Variants in PLA2G4F observed in about 807,000 individuals in gnomAD.
The protein encoded by PLA2G4F is phospholipase A2 group IVF.
PLA2G4F carries 105 observed loss-of-function variants against 103.1 expected under a neutral mutation model. That is an observed-to-expected ratio of 1.02 (90% CI 0.87 to 1.20). The LOEUF (loss-of-function observed/expected upper bound fraction) is 1.20, where lower values mean the gene tolerates loss of function less well. Ranked by LOEUF, PLA2G4F falls within the 50% of genes most tolerant of loss-of-function variation. The probability of loss-of-function intolerance (pLI) is 0.00; values close to 1 mark genes in which losing one functional copy is unlikely to be tolerated. For missense variants in PLA2G4F, 1,155 were observed against 1,075.9 expected, an observed-to-expected ratio of 1.07 and a Z score of -1.03; for synonymous variants, 468 against 441.1, an observed-to-expected ratio of 1.06 and a Z score of -0.76.
intron 9 of PLA2G4F, 60 bp from the exon 10 acceptor site, chr15:42,150,201 G>A: frequency 3.1e-6 from 5 of 1,608,594 alleles, no homozygotes; most frequent in Non-Finnish European, 3.4e-6. Flanking sequence ...CAGGGAAATG[G>A]CTCCCCCACC....
At chr15:42,148,258 C>T (rs578081884) in intron 11 of PLA2G4F, among the ~76,000 whole-genome samples, 1 of 152,120 alleles carries the variant, frequency 6.6e-6, no homozygotes, top group East Asian at 1.9e-4. Context: ...AATAATGTGC[C>T]CAAGATCATA....
chr15:42,140,748 C>T lies in PLA2G4F; in HGVS notation c.*1236G>A, dbSNP rs1595613776. On this transcript the variant is annotated 3_prime_UTR_variant, in exon 20 of 20. Coordinates refer to ENST00000397272, the MANE Select transcript of PLA2G4F (RefSeq NM_213600.4). ...AGCACAGGTGTTCCTGACAGCGTGTCTGTGTGAGAGAGCATGGAGCAGGGG... is the reference window on the plus strand; with the variant it reads ...AGCACAGGTGTTCCTGACAGCGTGTTTGTGTGAGAGAGCATGGAGCAGGGG... 1 of 157,590 alleles carries T rather than the reference C, an allele frequency of 6.3e-6. No individual in the cohort carries two copies. The highest frequency in any genetic ancestry group is 1.9e-4 in the East Asian group (1 of 5,396). 9.8% of individuals were successfully genotyped at this position (157,590 alleles called of 1,614,324 possible).
chr15:42,150,827 G>C, intron 7 of PLA2G4F, 50 bp from the exon 8 acceptor site: 1 of 1,573,746 alleles, frequency 6.4e-7, no homozygotes, highest in Non-Finnish European at 8.6e-7. Flanking sequence ...GTGGGTCTGT[G>C]TCTCTGCGGC....
rs771715880 is a variant in PLA2G4F, at chr15:42,139,400, C to T, written c.*2584G>A. The T allele has an allele frequency of 2.0e-5, 3 of 152,300 alleles. No individual in the cohort carries two copies. Among genetic ancestry groups the T allele is most frequent in the Non-Finnish European group, 2.9e-5 (2 of 68,130 alleles). The allele number at this position is 152,300 out of a possible 1,614,324, so 9.4% of individuals were successfully genotyped here. ...CTGCTCCTTTCCCTATAGCTTCTCC[C>T]ACCACTCTGACCAATCTCCTACACT... is the stretch of plus-strand genomic sequence containing the variant. On this transcript the variant is annotated 3_prime_UTR_variant, in exon 20 of 20. Transcript: ENST00000397272.
chr15:42,152,397 C>A (rs138643046), intron 7 of PLA2G4F, among the ~76,000 whole-genome samples: 3 of 152,214 alleles, frequency 2.0e-5, no homozygotes, highest in African/African-American at 7.2e-5. Context: ...CCCCGCCAAG[C>A]CCAGCCCAGC....
chr15:42,148,965 G>T, intron 11 of PLA2G4F: 2 of 985,380 alleles, frequency 2.0e-6, no homozygotes, highest in Non-Finnish European at 2.4e-6. Flanking sequence ...TCAGCGCTGG[G>T]CCACAGTGAT....
intron 18 of PLA2G4F, 84 bp downstream of exon 18, chr15:42,143,894 G>C: frequency 6.8e-7 from 1 of 1,468,636 alleles, no homozygotes; most frequent in Non-Finnish European, 9.2e-7. Flanking sequence ...CCCCTCACCA[G>C]AGCCTTCTTT....
At position 42,142,671 on chromosome 15, in the gene PLA2G4F, G is replaced by A. The variant is rs945569470; in HGVS notation, c.2186C>T (p.Pro729Leu). 1.9e-6 allele frequency: 3 copies of A among 1,614,122 alleles called. No individual in the cohort carries two copies. The highest frequency in any genetic ancestry group is 2.5e-6 in the Non-Finnish European group (3 of 1,180,024). Residue 729 changes from proline (P) to leucine (L), a missense_variant, in exon 19 of 20, where the codon CCC becomes CTC. Pro to Leu is a moderately conservative substitution (Grantham distance 98). Coordinates refer to ENST00000397272, the MANE Select transcript of PLA2G4F (RefSeq NM_213600.4). ...AGGGCCCACCTCGATGCTAGGGAAG[G>A]GGATTCCTCGGTCCAGGCAGTACTT... ...TEKYCLDRGI[P>L]FPSIEVGPED... is the part of the protein sequence containing the mutation.
chr15:42,151,660 G>A, intron 7 of PLA2G4F: 3 of 985,144 alleles, frequency 3.0e-6, no homozygotes, highest in Non-Finnish European at 3.6e-6. Flanking sequence ...CAAGTGTGGG[G>A]AGGGAATTCA....
Position 42,145,895 on chromosome 15 carries a change from C to A in PLA2G4F, c.1543G>T (p.Glu515Ter). Residue 515 changes from glutamate to a stop codon, truncating the protein, a stop_gained, in exon 15 of 20, where the codon GAG becomes TAG. Coordinates refer to ENST00000397272, the MANE Select transcript of PLA2G4F (RefSeq NM_213600.4). LOFTEE classifies it high-confidence loss of function. ...AAGCCAACCTCATAGGGCGTGAACT[C>A]GCACCACTCTAGGGGCCCGAGTGAA... ...LSGEDFAEWCEFTPYEVGFPK... is the reference protein window; with the variant it reads ...LSGEDFAEWC The A allele has an allele frequency of 2.5e-6, 4 of 1,613,956 alleles. No individual in the cohort carries two copies. The highest frequency in any genetic ancestry group is 3.4e-6 in the Non-Finnish European group (4 of 1,180,024).
chr15:42,141,679 C>T lies in PLA2G4F; in HGVS notation c.*305G>A. ...GGTCCTTCTGTGTCTGGGGTGGGCT[C>T]TGTGGCTCACCTGATTCTCTCCACA... On this transcript the variant is annotated 3_prime_UTR_variant, in exon 20 of 20. Transcript: ENST00000397272. 1 of 527,716 alleles carries T rather than the reference C, an allele frequency of 1.9e-6. No individual in the cohort carries two copies. The highest frequency in any genetic ancestry group is 1.5e-5 in the South Asian group (1 of 65,176). 32.7% of individuals were successfully genotyped at this position (527,716 alleles called of 1,614,324 possible).
At position 42,156,541 on chromosome 15, in the gene PLA2G4F, C is replaced by A; in HGVS notation, c.9G>T (p.Trp3Cys). 6.5e-7 allele frequency: 1 copy of A among 1,549,810 alleles called. No homozygotes were observed. The highest frequency in any genetic ancestry group is 2.5e-5 in the East Asian group (1 of 40,810). The change falls in exon 1 of 20, where the codon TGG (tryptophan) becomes TGT (cysteine). Residue 3 changes from tryptophan (W) to cysteine (C), a missense_variant. Coordinates refer to ENST00000397272, the MANE Select transcript of PLA2G4F (RefSeq NM_213600.4). ...CTGCCAGCCACCTTGGCCAGAGTGCCCAAAGCATGGCTGGGCAGCCCGGGC... is the reference window on the plus strand; with the variant it reads ...CTGCCAGCCACCTTGGCCAGAGTGCACAAAGCATGGCTGGGCAGCCCGGGC... ML[W>C]ALWPRWLADK...
rs377748442 is a variant in PLA2G4F, at chr15:42,141,971, C to G, written c.*13G>C. 1 of 1,609,124 alleles carries G rather than the reference C, an allele frequency of 6.2e-7. No homozygotes were observed. Among genetic ancestry groups the G allele is most frequent in the Non-Finnish European group, 8.5e-7 (1 of 1,176,608 alleles). On this transcript the variant is annotated 3_prime_UTR_variant, in exon 20 of 20. Transcript: ENST00000397272. ...GTCTCCTCTCTGTCACAGTCCTCCG[C>G]TTCCTGCCTTGGTCAGGCCCCTGCC...
chr15:42,153,752 C>A, intron 4 of PLA2G4F, 92 bp from the exon 5 acceptor site: 2 of 1,405,188 alleles, frequency 1.4e-6, no homozygotes, highest in Non-Finnish European at 2.0e-6. Context: ...GCTCCAGGGG[C>A]TAGAAGGGGA....
At chr15:42,144,393 G>T in intron 17 of PLA2G4F, 57 bp downstream of exon 17, 1 of 1,589,940 alleles carries the variant, frequency 6.3e-7, no homozygotes. Context: ...GCTCCAGTGA[G>T]CCAGAGGTGC....
Position 42,141,668 on chromosome 15 carries a change from T to G in PLA2G4F, c.*316A>C, listed in dbSNP as rs1371921884. 5.8e-6 allele frequency: 3 copies of G among 513,336 alleles called. No homozygotes were observed. Among genetic ancestry groups the G allele is most frequent in the Non-Finnish European group, 1.1e-5 (3 of 264,838 alleles). The allele number at this position is 513,336 out of a possible 1,614,324, so 31.8% of individuals were successfully genotyped here. A position where few individuals can be genotyped will look rare whatever the true frequency, so the allele number is the denominator to read the frequency against. On this transcript the variant is annotated 3_prime_UTR_variant, in exon 20 of 20. Coordinates refer to ENST00000397272, the MANE Select transcript of PLA2G4F (RefSeq NM_213600.4). Reference sequence around the variant, plus strand: ...GGGCCCTCTGAGGTCCTTCTGTGTCTGGGGTGGGCTCTGTGGCTCACCTGA... The same window carrying G: ...GGGCCCTCTGAGGTCCTTCTGTGTCGGGGGTGGGCTCTGTGGCTCACCTGA...
Position 42,146,229 on chromosome 15 carries a change from TGGCAGGGTTCTCCTG to T in PLA2G4F, c.1420-3_1431del, listed in dbSNP as rs1188581410. 2 of 1,614,206 alleles carry T rather than the reference TGGCAGGGTTCTCCTG, an allele frequency of 1.2e-6. No individual in the cohort carries two copies. Among genetic ancestry groups the T allele is most frequent in the Non-Finnish European group, 1.7e-6 (2 of 1,180,016 alleles). On this transcript the variant is annotated splice_acceptor_variant and splice_polypyrimidine_tract_variant and coding_sequence_variant and intron_variant, in exon 14 of 20. Coordinates refer to ENST00000397272, the MANE Select transcript of PLA2G4F (RefSeq NM_213600.4). LOFTEE classifies it high-confidence loss of function. ...ACCGCCTCCTGTTGGTCAGACAGCT[TGGCAGGGTTCTCCTG>T]GGCAGGAAAGAAGGGAGGCAGCTTG...
In PLA2G4F at chr15:42,153,658, A is replaced by G; in HGVS notation, c.453T>C (p.Asp151=). 1 of 1,614,132 alleles carries G rather than the reference A, an allele frequency of 6.2e-7. No individual in the cohort carries two copies. The highest frequency in any genetic ancestry group is 8.5e-7 in the Non-Finnish European group (1 of 1,179,992). Residue 151 remains aspartate, a splice_region_variant and synonymous_variant, in exon 5 of 20, where the codon GAT becomes GAC. Transcript: ENST00000397272. ...HKHTFPLNHQ[D]SQELQVEFVL... ...CAAATTCCACCTGCAGCTCTTGTGA[A>G]TCCTACATGGAGGGGGAGGGAGCAC...
rs1387056406 is a variant in PLA2G4F at position 42,144,001 on chromosome 15, A to C, written c.2119T>G (p.Tyr707Asp). 6.2e-7 allele frequency: 1 copy of C among 1,611,030 alleles called. No homozygotes were observed. The highest frequency in any genetic ancestry group is 1.3e-5 in the African/African-American group (1 of 74,806). Residue 707 changes from tyrosine (Y) to aspartate (D), a missense_variant, in exon 18 of 20, where the codon TAT becomes GAT. Physicochemically the swap from Tyr to Asp is radical, Grantham distance 160. Around this residue, in one of 3 missense-constraint regions of PLA2G4F, gnomAD observed 782 missense variants for 692.9 expected, o/e 1.13. Coordinates refer to ENST00000397272, the MANE Select transcript of PLA2G4F (RefSeq NM_213600.4). The part of the protein sequence containing the change: ...RAVDLILSFD[Y>D]SLEAPFEVLK... Reference sequence around the variant, plus strand: ...ACCTCAAAAGGGGCTTCCAAGGAATAGTCAAAGGACAGAATGAGGTCCACT... The same window carrying C: ...ACCTCAAAAGGGGCTTCCAAGGAATCGTCAAAGGACAGAATGAGGTCCACT...
Sources: allele counts gnomAD v4.1 joint callset (sites outside exome capture counted in the v4.1 genomes callset), GRCh38; gene constraint gnomAD v4.1.1; regional missense constraint gnomAD v4.1.1; transcripts MANE v1.5; gene names NCBI Gene and HGNC (gene_info 2026-07-23, HGNC 2026-07-21).